EPB41L4A: variants seen among roughly 807,000 people sequenced by gnomAD.
The protein encoded by EPB41L4A is erythrocyte membrane protein band 4.1 like 4A.
Under a neutral mutation model 108.6 loss-of-function variants are expected in EPB41L4A, and 100 were observed. That is an observed-to-expected ratio of 0.92 (90% CI 0.78 to 1.09). EPB41L4A has a LOEUF of 1.09. Ranked by LOEUF, EPB41L4A falls within the 50% of genes least tolerant of loss-of-function variation. EPB41L4A has a pLI of 0.00. For synonymous variants in EPB41L4A, 319 were observed against 289.0 expected, an observed-to-expected ratio of 1.10 and a Z score of -1.05; for missense variants, 1,030 against 842.7, an observed-to-expected ratio of 1.22 and a Z score of -2.75.
intron 7 of EPB41L4A, among the ~76,000 whole-genome samples, chr5:112,260,440 C>A (rs1300303448): frequency 6.6e-6 from 1 of 152,194 alleles, no homozygotes; most frequent in African/African-American, 2.4e-5. Flanking sequence ...AGACTGAGAA[C>A]CACTGGCATC....
At chr5:112,178,171 T>C (rs935759138) in intron 18 of EPB41L4A, among the ~76,000 whole-genome samples, 1 of 151,958 alleles carries the variant, frequency 6.6e-6, no homozygotes, top group Admixed American at 6.6e-5. Flanking sequence ...ATGAAGAAGG[T>C]ATGGTAGAAT....
chr5:112,329,879 G>C (rs985575867), intron 1 of EPB41L4A, among the ~76,000 whole-genome samples: 2 of 152,090 alleles, frequency 1.3e-5, no homozygotes, highest in African/African-American at 4.8e-5. Flanking sequence ...ATCAAAAAGA[G>C]AGGCTTTATG....
At chr5:112,207,328 T>C (rs1016163287) in intron 13 of EPB41L4A, among the ~76,000 whole-genome samples, 6 of 152,182 alleles carry the variant, frequency 3.9e-5, no homozygotes, top group Non-Finnish European at 8.8e-5. Context: ...AAAATACATC[T>C]TAGAAGAAAA....
chr5:112,273,224 G>A (rs1223797139), intron 4 of EPB41L4A, among the ~76,000 whole-genome samples: 1 of 152,110 alleles, frequency 6.6e-6, no homozygotes, highest in Admixed American at 6.6e-5. Flanking sequence ...TATGTTTTAG[G>A]CAACAAATCA....
intron 1 of EPB41L4A, among the ~76,000 whole-genome samples, chr5:112,355,717 GAT>G: frequency 6.6e-6 from 1 of 152,282 alleles, no homozygotes; most frequent in East Asian, 1.9e-4. Context: ...CTCCCTCAGT[GAT>G]CCCCCAGGGA....
intron 4 of EPB41L4A, among the ~76,000 whole-genome samples, chr5:112,272,761 A>G (rs1752354029): frequency 7.0e-6 from 1 of 142,086 alleles, no homozygotes; most frequent in Admixed American, 7.1e-5. Flanking sequence ...AGTCTGGGTG[A>G]CAAGAGCAAA....
upstream of EPB41L4A, chr5:112,419,741 G>A (rs1346341255): frequency 2.2e-6 from 1 of 456,662 alleles, no homozygotes; most frequent in African/African-American, 2.0e-5. Flanking sequence ...GAGGCGGAAA[G>A]GGCAGCAGGC....
intron 1 of EPB41L4A, among the ~76,000 whole-genome samples, chr5:112,418,310 A>G (rs1462611323): frequency 6.6e-6 from 1 of 152,164 alleles, no homozygotes; most frequent in Admixed American, 6.5e-5. Context: ...TGGGCTCTCT[A>G]GGTTAATGTA....
At chr5:112,407,649 T>C (rs1762148901) in intron 1 of EPB41L4A, among the ~76,000 whole-genome samples, 1 of 152,184 alleles carries the variant, frequency 6.6e-6, no homozygotes, top group Non-Finnish European at 1.5e-5. Context: ...AAATACCCTT[T>C]TTTCCAGTCT....
chr5:112,371,801 C>A (rs1156417668), intron 1 of EPB41L4A, among the ~76,000 whole-genome samples: 1 of 152,040 alleles, frequency 6.6e-6, no homozygotes, highest in Non-Finnish European at 1.5e-5. Context: ...CTGGAAGCTA[C>A]CAAAATTGAA....
chr5:112,268,842 CAAAAAAAA>C (rs34983995), intron 4 of EPB41L4A, among the ~76,000 whole-genome samples: 5 of 55,894 alleles, frequency 8.9e-5, no homozygotes, highest in Non-Finnish European at 1.2e-4. Context: ...GACCTTCTCT[CAAAAAAAA>C]AAAAAAAAAA....
chr5:112,192,725 G>A (rs1215867764), intron 17 of EPB41L4A, among the ~76,000 whole-genome samples: 2 of 152,184 alleles, frequency 1.3e-5, no homozygotes, highest in African/African-American at 4.8e-5. Context: ...CCTTTCACTA[G>A]TGTTTCATTT....
At chr5:112,254,170 T>G (rs975743223) in intron 9 of EPB41L4A, among the ~76,000 whole-genome samples, 68 of 152,354 alleles carry the variant, frequency 4.5e-4, no homozygotes, top group African/African-American at 1.5e-3. Flanking sequence ...CAAGTGTGCT[T>G]ACTACATGCC....
At chr5:112,372,855 A>G (rs1759578572) in intron 1 of EPB41L4A, among the ~76,000 whole-genome samples, 7 of 152,162 alleles carry the variant, frequency 4.6e-5, no homozygotes, top group Admixed American at 4.6e-4. Context: ...TTCAGGCAAG[A>G]GATGATGGTG....
chr5:112,411,474 T>C (rs1762409463), intron 1 of EPB41L4A, among the ~76,000 whole-genome samples: 1 of 152,138 alleles, frequency 6.6e-6, no homozygotes, highest in Non-Finnish European at 1.5e-5. Context: ...AATAAATGTA[T>C]TTGCAAATAA....
chr5:112,142,432 C>A (rs80142111), downstream of EPB41L4A: 63 of 152,232 alleles, frequency 4.1e-4, 1 homozygote, highest in East Asian at 0.011. Context: ...TGATACTGTG[C>A]TACAAGATGA....
chr5:112,224,764 G>A (rs1423134014), intron 12 of EPB41L4A, among the ~76,000 whole-genome samples: 2 of 152,116 alleles, frequency 1.3e-5, no homozygotes, highest in African/African-American at 4.8e-5. Context: ...AAGGAGAGAG[G>A]GAGGGACCAC....
Position 112,239,667 on chromosome 5 carries a change from G to A in EPB41L4A, c.958C>T (p.Arg320Cys), listed in dbSNP as rs201275993. 3.7e-4 allele frequency: 587 copies of A among 1,597,450 alleles called. 3 individuals carry two copies. The South Asian group carries it at 5.7e-3, about 16-fold the overall frequency. Residue 320 changes from arginine (R) to cysteine (C), a missense_variant, in exon 11 of 23, where the codon CGC becomes TGC. Arg to Cys is a radical substitution (Grantham distance 180). Transcript: ENST00000261486. ...SKFGSIRYKH[R>C]YSGRTALQMS... ...GAAAAAAATGTCATTTACCTGTAGC[G>A]GTGCTTATAACGTATGGATCCAAAC... is the stretch of plus-strand genomic sequence containing the variant.
intron 11 of EPB41L4A, among the ~76,000 whole-genome samples, 171 bp from the exon 12 acceptor site, chr5:112,234,926 C>T (rs961647914): frequency 6.6e-6 from 1 of 152,008 alleles, no homozygotes; most frequent in African/African-American, 2.4e-5. Flanking sequence ...TTATTAAATT[C>T]TAGGAGGAGA....
Sources: allele counts gnomAD v4.1 joint callset (sites outside exome capture counted in the v4.1 genomes callset), GRCh38; gene constraint gnomAD v4.1.1; transcripts MANE v1.5; gene names NCBI Gene and HGNC (gene_info 2026-07-23, HGNC 2026-07-21).